Variants in GABPB1 observed in about 807,000 individuals in gnomAD.
GABPB1 encodes GA binding protein transcription factor subunit beta 1.
GABPB1 carries 15 observed loss-of-function variants against 45.9 expected under a neutral mutation model. That is an observed-to-expected ratio of 0.33 (90% CI 0.22 to 0.50). GABPB1 has a LOEUF of 0.50. Ranked by LOEUF, GABPB1 falls within the 20% of genes least tolerant of loss-of-function variation. The pLI, the probability that GABPB1 is intolerant of heterozygous loss-of-function variation, is 0.98. For synonymous variants in GABPB1, 143 were observed against 154.4 expected (o/e 0.93, Z 0.55); for missense variants, 252 against 457.5 (o/e 0.55, Z 4.10).
At chr15:50,293,770 G>A (rs1250483269) in intron 6 of GABPB1, among the ~76,000 whole-genome samples, 1 of 152,128 alleles carries the variant, frequency 6.6e-6, no homozygotes, top group Non-Finnish European at 1.5e-5. Flanking sequence ...TAAAATAATA[G>A]AGTTCTTGCC....
In GABPB1 at chr15:50,276,308, C is replaced by T. The variant is rs2045838311; in HGVS notation, c.*2324G>A. On this transcript the variant is annotated 3_prime_UTR_variant, in exon 9 of 9. Coordinates refer to ENST00000380877, the MANE Select transcript of GABPB1 (RefSeq NM_016654.5). ...GACTAGAATGCAAAGCTTTTACAGCCCACCTGAAAACAGCATGAAATAAGT... is the reference window on the plus strand; with the variant it reads ...GACTAGAATGCAAAGCTTTTACAGCTCACCTGAAAACAGCATGAAATAAGT... 2 of 152,180 alleles carry T rather than the reference C, an allele frequency of 1.3e-5. No individual in the cohort carries two copies. Among genetic ancestry groups the T allele is most frequent in the Non-Finnish European group, 2.9e-5 (2 of 68,032 alleles). 9.4% of individuals were successfully genotyped at this position (152,180 alleles called of 1,614,324 possible).
At chr15:50,313,629 A>G (rs1328388211) in intron 1 of GABPB1, among the ~76,000 whole-genome samples, 1 of 152,158 alleles carries the variant, frequency 6.6e-6, no homozygotes, top group Non-Finnish European at 1.5e-5. Flanking sequence ...TGTAGAATCT[A>G]AAGGAAAAAA....
chr15:50,315,701 G>C (rs1254632592), intron 1 of GABPB1, among the ~76,000 whole-genome samples: 1 of 152,238 alleles, frequency 6.6e-6, no homozygotes, highest in Non-Finnish European at 1.5e-5. Context: ...GAAGAACTCA[G>C]TTGTAATAAG....
intron 1 of GABPB1, among the ~76,000 whole-genome samples, chr15:50,341,291 T>G (rs896437584): frequency 3.3e-5 from 5 of 152,120 alleles, no homozygotes; most frequent in African/African-American, 1.2e-4. Context: ...CCCAGCACTT[T>G]GGGAGGCCAA....
At chr15:50,346,882 C>A (rs537988468) in intron 1 of GABPB1, among the ~76,000 whole-genome samples, 1 of 151,684 alleles carries the variant, frequency 6.6e-6, no homozygotes, top group Non-Finnish European at 1.5e-5. Context: ...CCGCCCCCCC[C>A]AGGTTCAAGC....
intron 1 of GABPB1, among the ~76,000 whole-genome samples, chr15:50,317,121 T>G (rs927151790): frequency 6.6e-6 from 1 of 151,982 alleles, no homozygotes; most frequent in South Asian, 2.1e-4. Flanking sequence ...TGGAGCCGAG[T>G]GTAGTGGCTC....
At chr15:50,324,100 G>A (rs952379228) in intron 1 of GABPB1, among the ~76,000 whole-genome samples, 3 of 152,052 alleles carry the variant, frequency 2.0e-5, no homozygotes, top group Admixed American at 2.0e-4. Flanking sequence ...CTACTCAGAA[G>A]GCTGAGATGG....
intron 8 of GABPB1, among the ~76,000 whole-genome samples, chr15:50,283,792 G>A (rs1408851158): frequency 6.6e-6 from 1 of 152,196 alleles, no homozygotes; most frequent in East Asian, 1.9e-4. Context: ...GATTACAGGT[G>A]TAGGCCACCG....
chr15:50,295,037 G>A (rs894265816), intron 6 of GABPB1, among the ~76,000 whole-genome samples: 2 of 152,090 alleles, frequency 1.3e-5, no homozygotes, highest in South Asian at 2.1e-4. Flanking sequence ...AATAAGAGAC[G>A]TATGAAAAAA....
chr15:50,337,000 G>A (rs1334682789), intron 1 of GABPB1, among the ~76,000 whole-genome samples: 10 of 147,144 alleles, frequency 6.8e-5, no homozygotes, highest in African/African-American at 2.2e-4. Flanking sequence ...GGCCATGATC[G>A]CACCACTGCA....
intron 8 of GABPB1, among the ~76,000 whole-genome samples, chr15:50,285,187 A>G (rs1225803376): frequency 6.6e-6 from 1 of 152,214 alleles, no homozygotes; most frequent in Non-Finnish European, 1.5e-5. Context: ...CGTATCAGAT[A>G]TAAATATTGT....
intron 8 of GABPB1, among the ~76,000 whole-genome samples, chr15:50,283,789 G>T (rs1356888144): frequency 6.6e-6 from 1 of 152,326 alleles, no homozygotes; most frequent in East Asian, 1.9e-4. Context: ...TGGGATTACA[G>T]GTGTAGGCCA....
chr15:50,293,803 T>G (rs1166663133), intron 6 of GABPB1, among the ~76,000 whole-genome samples: 4 of 152,174 alleles, frequency 2.6e-5, no homozygotes, highest in Non-Finnish European at 5.9e-5. Flanking sequence ...AGCTTTCTTT[T>G]TAAGTTGTGC....
chr15:50,312,835 T>TC (rs1264745657), intron 1 of GABPB1, among the ~76,000 whole-genome samples: 1 of 152,184 alleles, frequency 6.6e-6, no homozygotes, highest in African/African-American at 2.4e-5. Flanking sequence ...TTAGGGCTTT[T>TC]CCCCACCTTT....
At chr15:50,319,832 C>T (rs2047495481) in intron 1 of GABPB1, among the ~76,000 whole-genome samples, 1 of 146,532 alleles carries the variant, frequency 6.8e-6, no homozygotes, top group African/African-American at 2.4e-5. Context: ...AGTGAGACTC[C>T]GTCTCAAAAA....
rs2045831805 is a variant in GABPB1, at chr15:50,275,778, GTAAT to G, written c.*2850_*2853del. On this transcript the variant is annotated 3_prime_UTR_variant, in exon 9 of 9. Coordinates refer to ENST00000380877, the MANE Select transcript of GABPB1 (RefSeq NM_016654.5). ...ATGACATCACAAGTCCTTTTGTGAA[GTAAT>G]TAAGATATAAATAAAATAAATAACA... 1 of 152,172 alleles carries G rather than the reference GTAAT, an allele frequency of 6.6e-6. No homozygotes were observed. Among genetic ancestry groups the G allele is most frequent in the African/African-American group, 2.4e-5 (1 of 41,456 alleles). The allele number at this position is 152,172 out of a possible 1,614,324, so 9.4% of individuals were successfully genotyped here.
intron 1 of GABPB1, among the ~76,000 whole-genome samples, chr15:50,334,574 C>G (rs2048055143): frequency 7.2e-6 from 1 of 139,858 alleles, no homozygotes; most frequent in Non-Finnish European, 1.5e-5. Context: ...GTGGTACAAC[C>G]TTGGCTCACT....
intron 1 of GABPB1, among the ~76,000 whole-genome samples, chr15:50,334,049 AAG>A (rs2048035785): frequency 6.6e-6 from 1 of 151,880 alleles, no homozygotes; most frequent in Non-Finnish European, 1.5e-5. Flanking sequence ...AAAAAAGAAA[AAG>A]AAAAAAAGAA....
At chr15:50,324,242 GCAAGCGC>G (rs754049213) in intron 1 of GABPB1, among the ~76,000 whole-genome samples, 5 of 151,998 alleles carry the variant, frequency 3.3e-5, no homozygotes, top group Non-Finnish European at 7.4e-5. Context: ...TTCATTGATG[GCAAGCGC>G]CAGGCCAACA....
Sources: gnomAD v4.1 joint callset for allele counts (sites outside exome capture counted in the v4.1 genomes callset) on GRCh38, gnomAD v4.1.1 for gene constraint, MANE v1.5 for transcripts, NCBI Gene and HGNC (gene_info 2026-07-23, HGNC 2026-07-21) for gene names.